Variants in ANKRD36 observed in about 807,000 individuals in gnomAD.
The protein encoded by ANKRD36 is ankyrin repeat domain 36, also known as ankyrin repeat domain-containing protein 36A.
In ANKRD36, 179 loss-of-function variants were observed where a neutral mutation model predicts 278.1. That is an observed-to-expected ratio of 0.64 (90% CI 0.57 to 0.73). The LOEUF is 0.73. Ranked by LOEUF, ANKRD36 falls within the 30% of genes least tolerant of loss-of-function variation. The pLI, the probability that ANKRD36 is intolerant of heterozygous loss-of-function variation, is 0.00. For synonymous variants in ANKRD36, 320 were observed against 641.1 expected (o/e 0.50, Z 7.57); for missense variants, 1,159 against 1,956.7 (o/e 0.59, Z 7.69).
At chr2:97,182,184 CTG>C (rs1429162481) in intron 26 of ANKRD36, among the ~76,000 whole-genome samples, 1 of 151,316 alleles carries the variant, frequency 6.6e-6, no homozygotes, top group Non-Finnish European at 1.5e-5. Context: ...CCCATAAACA[CTG>C]TAGAACGAGA....
rs2074374740 is a variant in ANKRD36, at chr2:97,241,335, A to C, written c.4163A>C (p.Asn1388Thr). Reference protein sequence around the residue: ...LWKRLIKLKDNHCEQLRVKIR... With the variant: ...LWKRLIKLKDTHCEQLRVKIR... ...AAAAGATTAATAAAACTTAAAGATA[A>C]CCACTGTGAGCAACTTAGAGTAAAA... The change falls in exon 69 of 76, where the codon AAC becomes ACC. Residue 1388 changes from asparagine (N) to threonine (T), a missense_variant. Coordinates refer to ENST00000420699, the MANE Select transcript of ANKRD36 (RefSeq NM_001354587.1). The C allele has an allele frequency of 2.2e-6, 3 of 1,366,278 alleles. No homozygotes were observed. The Admixed American group carries it at 6.5e-5, about 30-fold the overall frequency. The allele number at this position is 1,366,278 out of a possible 1,614,324, so 84.6% of individuals were successfully genotyped here. A position where few individuals can be genotyped will look rare whatever the true frequency, so the allele number is the denominator to read the frequency against.
chr2:97,160,402 G>A lies in ANKRD36; in HGVS notation c.1390-1697G>A, dbSNP rs2918892. ...ATCTCCTACAGTTGGGACATTTTGT[G>A]TTATTCTCTGGAAGCATTATTAACT... On this transcript the variant is annotated intron_variant, in intron 17 of 75. Coordinates refer to ENST00000420699, the MANE Select transcript of ANKRD36 (RefSeq NM_001354587.1). Among the ~76,000 whole-genome samples the A allele has an allele frequency of 1.1e-4, 16 of 151,990 alleles. No homozygotes were observed. In the East Asian group the frequency reaches 1.7e-3, roughly 17 times the overall value.
At chr2:97,200,107 A>G (rs1465789354) in intron 44 of ANKRD36, among the ~76,000 whole-genome samples, 1 of 151,886 alleles carries the variant, frequency 6.6e-6, no homozygotes, top group Non-Finnish European at 1.5e-5. Context: ...TCGACACATG[A>G]CAAATCTTAC....
chr2:97,128,751 A>G (rs2039284763), intron 6 of ANKRD36, among the ~76,000 whole-genome samples: 2 of 151,930 alleles, frequency 1.3e-5, no homozygotes, highest in African/African-American at 4.8e-5. Flanking sequence ...CCTTGTGGAA[A>G]TACTTAGTTT....
At chr2:97,205,186 T>G (rs554509172) in intron 50 of ANKRD36, among the ~76,000 whole-genome samples, 71 of 151,804 alleles carry the variant, frequency 4.7e-4, no homozygotes, top group Non-Finnish European at 7.8e-4. Context: ...AACTTATTAT[T>G]GTCTAATGGT....
intron 28 of ANKRD36, 48 bp downstream of exon 28, chr2:97,183,702 A>G: frequency 3.9e-6 from 6 of 1,527,524 alleles, no homozygotes; most frequent in Non-Finnish European, 5.3e-6. Flanking sequence ...AAGACAGAAG[A>G]GAACGTCCCA....
At position 97,204,360 on chromosome 2, in the gene ANKRD36, A is replaced by G. The variant is rs1575855990; in HGVS notation, c.3061+97A>G. On this transcript the variant is annotated intron_variant, in intron 50 of 75. Transcript: ENST00000420699. ...AGCGGGGGGCTCGTTGAAGCTGCAC[A>G]TTCTGATTCAGCAGTCCTGAGATTC... 5.1e-6 allele frequency: 7 copies of G among 1,359,764 alleles called. No homozygotes were observed. The Admixed American group carries it at 1.7e-4, about 33-fold the overall frequency. The allele number at this position is 1,359,764 out of a possible 1,614,324, so 84.2% of individuals were successfully genotyped here.
At chr2:97,211,074 T>G (rs1181044276) in intron 56 of ANKRD36, among the ~76,000 whole-genome samples, 1 of 151,860 alleles carries the variant, frequency 6.6e-6, no homozygotes, top group African/African-American at 2.4e-5. Flanking sequence ...TCCACTGAAA[T>G]GTCTTCGTAA....
Position 97,219,248 on chromosome 2 carries a change from T to C in ANKRD36, c.3877+2T>C, listed in dbSNP as rs2066742483. 6.4e-7 allele frequency: 1 copy of C among 1,563,626 alleles called. No individual in the cohort carries two copies. Among genetic ancestry groups the C allele is most frequent in the Admixed American group, 1.9e-5 (1 of 52,066 alleles). On this transcript the variant is annotated splice_donor_variant, in intron 66 of 75. Transcript: ENST00000420699. LOFTEE classifies it high-confidence loss of function. ...AGGATGTACAAACATCCACACCAGG[T>C]AAACTTTGCATTGTAGATTTAACTC...
chr2:97,217,489 G>C (rs1046617398), intron 64 of ANKRD36, 117 bp downstream of exon 64: 3 of 1,424,928 alleles, frequency 2.1e-6, no homozygotes, highest in South Asian at 1.4e-5. Flanking sequence ...CAGCAGGCCT[G>C]AGATTGTGCA....
chr2:97,168,028 A>G (rs55674214), intron 22 of ANKRD36, among the ~76,000 whole-genome samples: 487 of 148,128 alleles, frequency 3.3e-3, no homozygotes, highest in African/African-American at 0.012. Context: ...ATTTGTGTGC[A>G]TGTTAGGGGT....
chr2:97,137,292 G>A (rs1480543130), intron 6 of ANKRD36, among the ~76,000 whole-genome samples: 1 of 151,686 alleles, frequency 6.6e-6, no homozygotes, highest in Non-Finnish European at 1.5e-5. Context: ...GATTACATAC[G>A]TGTGCCACCA....
chr2:97,113,420 C>T lies in ANKRD36; in HGVS notation c.-320C>T. The T allele has an allele frequency of 2.4e-6, 1 of 415,254 alleles. No homozygotes were observed. Among genetic ancestry groups the T allele is most frequent in the Non-Finnish European group, 4.3e-6 (1 of 231,814 alleles). 25.7% of individuals were successfully genotyped at this position (415,254 alleles called of 1,614,324 possible). A position where few individuals can be genotyped will look rare whatever the true frequency, so the allele number is the denominator to read the frequency against. ...CGCGCGGGCGACAGTTAAACAGGCCCTGGGGCAGGGCGCGCCTCGCGCTCC... is the reference window on the plus strand; with the variant it reads ...CGCGCGGGCGACAGTTAAACAGGCCTTGGGGCAGGGCGCGCCTCGCGCTCC... On this transcript the variant is annotated 5_prime_UTR_variant, in exon 1 of 76. Coordinates refer to ENST00000420699, the MANE Select transcript of ANKRD36 (RefSeq NM_001354587.1).
intron 11 of ANKRD36, among the ~76,000 whole-genome samples, chr2:97,147,593 GT>G (rs1183544195): frequency 1.3e-5 from 2 of 148,880 alleles, no homozygotes; most frequent in Non-Finnish European, 3.0e-5. Context: ...TTGCACTCAG[GT>G]TTCTTAGTTC....
intron 69 of ANKRD36, among the ~76,000 whole-genome samples, chr2:97,242,250 A>T (rs1261532693): frequency 2.0e-5 from 3 of 151,250 alleles, no homozygotes. Flanking sequence ...AGATTGCACC[A>T]GTGCACTCCA....
intron 66 of ANKRD36, among the ~76,000 whole-genome samples, chr2:97,220,688 A>G (rs2067173236): frequency 7.4e-6 from 1 of 134,696 alleles, no homozygotes; most frequent in South Asian, 2.5e-4. Context: ...TGCAATAAAC[A>G]TGTCAGGACA....
intron 6 of ANKRD36, among the ~76,000 whole-genome samples, chr2:97,130,362 T>A (rs946031723): frequency 6.9e-6 from 1 of 145,604 alleles, no homozygotes; most frequent in African/African-American, 2.6e-5. Context: ...AACCAAACAC[T>A]GCATGTTCTC....
In ANKRD36 at chr2:97,123,395, T is replaced by C. The variant is rs1160874402; in HGVS notation, c.593+402T>C. ...TCATTTCTACTGTGTTTTGATGTTG[T>C]TTTTAATTGATATGGGGAGGGGGAG... On this transcript the variant is annotated intron_variant, in intron 4 of 75. Transcript: ENST00000420699. Among the ~76,000 whole-genome samples the C allele has an allele frequency of 5.1e-5, 5 of 98,162 alleles. 1 individual carries two copies. The highest frequency in any genetic ancestry group is 1.5e-4 in the Non-Finnish European group (5 of 33,646). 64.4% of individuals were successfully genotyped at this position (98,162 alleles called of 152,430 possible). A position where few individuals can be genotyped will look rare whatever the true frequency, so the allele number is the denominator to read the frequency against.
intron 4 of ANKRD36, among the ~76,000 whole-genome samples, chr2:97,123,706 T>C (rs2037610426): frequency 7.1e-6 from 1 of 141,044 alleles, no homozygotes. Context: ...CATATAAGTA[T>C]GTGCATATAT....
Sources: gnomAD v4.1 joint callset for allele counts (sites outside exome capture counted in the v4.1 genomes callset) on GRCh38, gnomAD v4.1.1 for gene constraint, MANE v1.5 for transcripts, NCBI Gene and HGNC (gene_info 2026-07-23, HGNC 2026-07-21) for gene names.